Variants in BTBD10 observed in about 807,000 individuals in gnomAD.
BTBD10 encodes the protein BTB/POZ domain-containing protein 10.
Under a neutral mutation model 53.2 loss-of-function variants are expected in BTBD10, and 21 were observed. The observed-to-expected ratio is 0.39, with a 90% CI of 0.28 to 0.57. The LOEUF (loss-of-function observed/expected upper bound fraction) is 0.57. BTBD10 is among the 20% of genes least tolerant of loss of function. The probability of loss-of-function intolerance (pLI) is 0.53; values close to 1 mark genes in which losing one functional copy is unlikely to be tolerated. For missense variants in BTBD10, 360 were observed against 594.7 expected (o/e 0.61, Z 4.10); for synonymous variants, 149 against 192.7 (o/e 0.77, Z 1.88).
At chr11:13,414,861 A>AAAAAAG (rs1950059758) in intron 5 of BTBD10, among the ~76,000 whole-genome samples, 1 of 145,282 alleles carries the variant, frequency 6.9e-6, no homozygotes. Context: ...AAAAAAAAAA[A>AAAAAAG]AAAAGAAAAG....
At chr11:13,450,381 G>T (rs896745419) in intron 1 of BTBD10, among the ~76,000 whole-genome samples, 10 of 152,136 alleles carry the variant, frequency 6.6e-5, no homozygotes, top group African/African-American at 2.4e-4. Flanking sequence ...AGTTAATTTT[G>T]TACTAACGAC....
intron 6 of BTBD10, among the ~76,000 whole-genome samples, chr11:13,406,872 C>T (rs1949845249): frequency 6.6e-6 from 1 of 151,960 alleles, no homozygotes; most frequent in Non-Finnish European, 1.5e-5. Flanking sequence ...TCCAGGCTGG[C>T]TATTTCCCAT....
intron 1 of BTBD10, among the ~76,000 whole-genome samples, chr11:13,455,371 ACTT>A (rs1300879279): frequency 6.6e-6 from 1 of 152,160 alleles, no homozygotes; most frequent in African/African-American, 2.4e-5. Flanking sequence ...AATTTTGCTG[ACTT>A]CTTAATTAAC....
intron 2 of BTBD10, among the ~76,000 whole-genome samples, chr11:13,436,551 T>C (rs192339394): frequency 2.0e-5 from 3 of 152,226 alleles, no homozygotes; most frequent in Admixed American, 1.3e-4. Flanking sequence ...ACCACCCCAA[T>C]TTTACAGCTG....
Position 13,421,809 on chromosome 11 carries a change from ACTC to A in BTBD10, c.128_130del (p.Gly43del). ...ATGTAGACTCATTTTGGTGTGGTCA[ACTC>A]CTCCTTTAGCAATACGCGAGGAAGT... is the stretch of plus-strand genomic sequence containing the variant. On this transcript the variant is annotated inframe_deletion, in exon 3 of 9. Coordinates refer to ENST00000278174, the MANE Select transcript of BTBD10 (RefSeq NM_032320.7). The A allele has an allele frequency of 1.2e-6, 2 of 1,613,112 alleles. No individual in the cohort carries two copies. The highest frequency in any genetic ancestry group is 8.5e-7 in the Non-Finnish European group (1 of 1,179,514).
intron 1 of BTBD10, among the ~76,000 whole-genome samples, chr11:13,445,803 A>C (rs1950740862): frequency 3.3e-5 from 5 of 152,172 alleles, no homozygotes; most frequent in Admixed American, 3.3e-4. Context: ...TGTAACTGCT[A>C]TTTCTACTAT....
intron 2 of BTBD10, among the ~76,000 whole-genome samples, chr11:13,440,933 A>C (rs1419543404): frequency 1.3e-5 from 2 of 152,208 alleles, no homozygotes; most frequent in African/African-American, 2.4e-5. Context: ...TTTAAAAAGA[A>C]GTTGTCACAA....
intron 1 of BTBD10, among the ~76,000 whole-genome samples, chr11:13,451,464 C>T (rs1019946827): frequency 1.3e-5 from 2 of 152,128 alleles, no homozygotes; most frequent in African/African-American, 2.4e-5. Context: ...AAATTCTTGG[C>T]TGACCACCAA....
rs1486778487 is a variant in BTBD10, at chr11:13,421,628, T to G, written c.298+14A>C. The G allele has an allele frequency of 1.4e-5, 22 of 1,603,984 alleles. No homozygotes were observed. The highest frequency in any genetic ancestry group is 1.9e-5 in the Non-Finnish European group (22 of 1,174,128). ...TTTTAAGAACTGTTAGGAAGGTTAG[T>G]TGATTTTACATACCAACATGGTGCT... On this transcript the variant is annotated intron_variant, in intron 3 of 8. Transcript: ENST00000278174.
chr11:13,415,237 C>G (rs985070650), intron 5 of BTBD10, among the ~76,000 whole-genome samples: 1 of 151,752 alleles, frequency 6.6e-6, no homozygotes, highest in Non-Finnish European at 1.5e-5. Flanking sequence ...CTCAGCCTCC[C>G]AAGTGTTGGA....
At chr11:13,395,854 T>A (rs1949535234) in intron 8 of BTBD10, among the ~76,000 whole-genome samples, 1 of 152,198 alleles carries the variant, frequency 6.6e-6, no homozygotes, top group Admixed American at 6.5e-5. Context: ...GTTGTAGATA[T>A]GCGGCGTTAT....
chr11:13,438,955 T>C (rs979734557), intron 2 of BTBD10, among the ~76,000 whole-genome samples: 5 of 151,920 alleles, frequency 3.3e-5, no homozygotes, highest in Admixed American at 6.6e-5. Flanking sequence ...CAATACAAGA[T>C]ACCACGAACA....
intron 8 of BTBD10, among the ~76,000 whole-genome samples, chr11:13,401,863 A>T (rs184132197): frequency 3.7e-4 from 57 of 152,238 alleles, no homozygotes; most frequent in African/African-American, 1.3e-3. Flanking sequence ...TATCTCTTCA[A>T]ATCTCCTCCT....
At chr11:13,403,626 T>C (rs1949757659) in intron 7 of BTBD10, among the ~76,000 whole-genome samples, 1 of 152,196 alleles carries the variant, frequency 6.6e-6, no homozygotes, top group South Asian at 2.1e-4. Context: ...ATCGCATCAT[T>C]ATCAAGCAAA....
rs1950064303 is a variant in BTBD10 at position 13,414,961 on chromosome 11, C to G, written c.688-1311G>C. 1.3e-5 allele frequency among the ~76,000 whole-genome samples: 2 copies of G among 151,780 alleles called. 1 individual carries two copies. On this transcript the variant is annotated intron_variant, in intron 5 of 8. Coordinates refer to ENST00000278174, the MANE Select transcript of BTBD10 (RefSeq NM_032320.7). Reference sequence around the variant, plus strand: ...TGCATCAATGGAAGTGAAACATCTTCTGGTACTTGTATGAATACTCACCTG... The same window carrying G: ...TGCATCAATGGAAGTGAAACATCTTGTGGTACTTGTATGAATACTCACCTG...
intron 1 of BTBD10, among the ~76,000 whole-genome samples, chr11:13,454,295 A>G (rs2134055309): frequency 6.6e-6 from 1 of 152,350 alleles, no homozygotes; most frequent in South Asian, 2.1e-4. Context: ...TGCTCTCAGG[A>G]AATACATATC....
intron 1 of BTBD10, among the ~76,000 whole-genome samples, chr11:13,448,756 T>A (rs755452450): frequency 1.1e-4 from 16 of 152,282 alleles, no homozygotes; most frequent in Non-Finnish European, 2.1e-4. Flanking sequence ...AAAAACTGAA[T>A]GGCTCCTCGT....
chr11:13,389,174 G>A (rs1441837439), intron 8 of BTBD10, 33 bp from the exon 9 acceptor site: 1 of 1,560,998 alleles, frequency 6.4e-7, no homozygotes, highest in African/African-American at 1.4e-5. Flanking sequence ...AAACTGAGGA[G>A]ACACACACAG....
intron 7 of BTBD10, chr11:13,404,724 G>A (rs189816627): frequency 6.3e-4 from 262 of 415,056 alleles, no homozygotes; most frequent in Non-Finnish European, 7.3e-4. Context: ...ACTCATTTAA[G>A]TACATCATGC....
Sources: allele counts gnomAD v4.1 joint callset (sites outside exome capture counted in the v4.1 genomes callset), GRCh38; gene constraint gnomAD v4.1.1; transcripts MANE v1.5; gene names NCBI Gene and HGNC (gene_info 2026-07-23, HGNC 2026-07-21).